The following CFAP20DC variants were observed in gnomAD, a reference collection of about 807,000 sequenced individuals.
CFAP20DC encodes protein CFAP20DC.
In CFAP20DC, 84 loss-of-function variants were observed where a neutral mutation model predicts 101.7. The ratio of observed to expected loss-of-function variants is 0.83; its 90% CI spans 0.69 to 0.99. The LOEUF (loss-of-function observed/expected upper bound fraction) is 0.99. Among genes scored for constraint, CFAP20DC ranks in the 50% least tolerant of loss-of-function variants. CFAP20DC has a pLI of 0.00. For synonymous variants in CFAP20DC, 359 were observed against 351.2 expected (o/e 1.02, Z -0.25); for missense variants, 1,007 against 970.3 (o/e 1.04, Z -0.50).
At chr3:58,723,117 T>C (rs2067495956) in intron 3 of CFAP20DC, among the ~76,000 whole-genome samples, 2 of 152,258 alleles carry the variant, frequency 1.3e-5, no homozygotes, top group Non-Finnish European at 2.9e-5. Context: ...AAAAATGTTA[T>C]GAATTAAATT....
At chr3:58,775,838 C>T (rs575053854) in intron 15 of CFAP20DC, among the ~76,000 whole-genome samples, 8 of 151,598 alleles carry the variant, frequency 5.3e-5, no homozygotes, top group East Asian at 1.9e-4. Flanking sequence ...CTCCACCTCC[C>T]GGGTTCAAGC....
intron 15 of CFAP20DC, among the ~76,000 whole-genome samples, chr3:58,806,137 T>C (rs547746727): frequency 6.6e-6 from 1 of 152,374 alleles, no homozygotes; most frequent in South Asian, 2.1e-4. Context: ...TATGAAGTAA[T>C]TCTTATGCCT....
chr3:58,824,494 C>T (rs1276582475), intron 14 of CFAP20DC: 3 of 152,164 alleles, frequency 2.0e-5, no homozygotes, highest in African/African-American at 7.2e-5. Flanking sequence ...CATGATCAAG[C>T]TGCTAGAGAT....
At chr3:58,980,828 T>G (rs2092506227) in intron 4 of CFAP20DC, among the ~76,000 whole-genome samples, 1 of 152,162 alleles carries the variant, frequency 6.6e-6, no homozygotes. Flanking sequence ...CCACTCCTAT[T>G]CAACATAGTG....
chr3:58,741,609 G>A (rs1332595156), downstream of CFAP20DC, among the ~76,000 whole-genome samples: 1 of 151,676 alleles, frequency 6.6e-6, no homozygotes, highest in Non-Finnish European at 1.5e-5. Flanking sequence ...CCATTCTCCT[G>A]CCTCAGCCTC....
intron 4 of CFAP20DC, among the ~76,000 whole-genome samples, chr3:59,009,415 T>G (rs1030214209): frequency 3.3e-5 from 5 of 151,576 alleles, no homozygotes; most frequent in African/African-American, 9.7e-5. Context: ...CCAACTTAAA[T>G]TAAAAAAACA....
In CFAP20DC at chr3:59,049,603, C is replaced by T. The variant is rs1283942742; in HGVS notation, c.21+8G>A. On this transcript the variant is annotated splice_region_variant and intron_variant, in intron 1 of 16. Transcript: ENST00000482387. ...GTATAGACAGGTTGGAGAACCGTTTCGGGTTACCTGGTACTCATTTTTGAA... is the reference window on the plus strand; with the variant it reads ...GTATAGACAGGTTGGAGAACCGTTTTGGGTTACCTGGTACTCATTTTTGAA... 2.0e-6 allele frequency: 3 copies of T among 1,535,936 alleles called. No individual in the cohort carries two copies. Among genetic ancestry groups the T allele is most frequent in the African/African-American group, 2.7e-5 (2 of 73,042 alleles).
At chr3:59,038,692 T>G (rs2094145866) in intron 4 of CFAP20DC, among the ~76,000 whole-genome samples, 1 of 152,134 alleles carries the variant, frequency 6.6e-6, no homozygotes, top group African/African-American at 2.4e-5. Context: ...GTTGTAATTG[T>G]TTTGGGGTGC....
chr3:59,006,017 G>A lies in CFAP20DC; in HGVS notation c.278+33540C>T, dbSNP rs961099537. Among the ~76,000 whole-genome samples, 3 of 152,054 alleles carry A rather than the reference G, an allele frequency of 2.0e-5. No homozygotes were observed. Among genetic ancestry groups the A allele is most frequent in the Non-Finnish European group, 4.4e-5 (3 of 68,016 alleles). ...ATAGAGGAAGGGAAATAATTCACAA[G>A]ATGGAATTACTCCTCAATGAAAAGT... On this transcript the variant is annotated intron_variant, in intron 4 of 16. Coordinates refer to ENST00000482387, the MANE Select transcript of CFAP20DC (RefSeq NM_001394063.1). The surrounding 1 kb of genome is among the most constrained non-coding windows in gnomAD (Gnocchi z 4.3).
intron 12 of CFAP20DC, among the ~76,000 whole-genome samples, chr3:58,853,020 C>A (rs895392630): frequency 1.3e-5 from 2 of 152,062 alleles, no homozygotes; most frequent in Non-Finnish European, 2.9e-5. Context: ...CACAAAAAAC[C>A]CTTCAAAAAT....
At chr3:59,005,648 C>A (rs1002055370) in intron 4 of CFAP20DC, among the ~76,000 whole-genome samples, 1 of 152,098 alleles carries the variant, frequency 6.6e-6, no homozygotes, top group Admixed American at 6.6e-5. Flanking sequence ...TAATATCCCA[C>A]CACTATATTT....
chr3:58,821,948 T>A (rs1469771213), intron 14 of CFAP20DC, among the ~76,000 whole-genome samples: 1 of 139,946 alleles, frequency 7.1e-6, no homozygotes, highest in African/African-American at 2.9e-5. Context: ...ATATACACCA[T>A]GGAATACTAT....
chr3:58,951,553 T>C (rs2090106453), intron 4 of CFAP20DC, among the ~76,000 whole-genome samples: 2 of 152,178 alleles, frequency 1.3e-5, no homozygotes, highest in Non-Finnish European at 2.9e-5. Context: ...GTGGCACATA[T>C]ACACCATGGA....
Position 58,861,263 on chromosome 3 carries a change from A to C in CFAP20DC, c.1593+2295T>G, listed in dbSNP as rs369017170. ...TAAAGTCTTTTAATTACACTTTATA[A>C]ACTTCAAGCATAATAATATAATTGT... On this transcript the variant is annotated intron_variant, in intron 12 of 16. Coordinates refer to ENST00000482387, the MANE Select transcript of CFAP20DC (RefSeq NM_001394063.1). The surrounding 1 kb of genome is among the most constrained non-coding windows in gnomAD (Gnocchi z 4.0). The C allele has an allele frequency of 1.6e-6, 1 of 616,856 alleles. No homozygotes were observed. Among genetic ancestry groups the C allele is most frequent in the East Asian group, 1.4e-4 (1 of 7,182 alleles). 38.2% of individuals were successfully genotyped at this position (616,856 alleles called of 1,614,324 possible). A position where few individuals can be genotyped will look rare whatever the true frequency, so the allele number is the denominator to read the frequency against.
intron 16 of CFAP20DC, among the ~76,000 whole-genome samples, chr3:58,747,438 A>G (rs983035078): frequency 2.0e-5 from 3 of 152,172 alleles, no homozygotes; most frequent in Admixed American, 6.6e-5. Flanking sequence ...ATAATAGAAA[A>G]CCTACACACC....
intron 7 of CFAP20DC, among the ~76,000 whole-genome samples, chr3:58,872,690 A>G (rs1459043404): frequency 6.6e-6 from 1 of 152,178 alleles, no homozygotes; most frequent in Admixed American, 6.5e-5. Context: ...GGGCAGAATC[A>G]GAACTAATGA....
At chr3:58,764,926 G>A (rs1194199573) in intron 15 of CFAP20DC, among the ~76,000 whole-genome samples, 1 of 152,174 alleles carries the variant, frequency 6.6e-6, no homozygotes, top group Non-Finnish European at 1.5e-5. Context: ...GTATTCAAGA[G>A]TCGAGACCAT....
At chr3:58,885,132 T>C (rs968606794) in intron 6 of CFAP20DC, among the ~76,000 whole-genome samples, 1 of 152,184 alleles carries the variant, frequency 6.6e-6, no homozygotes, top group African/African-American at 2.4e-5. Flanking sequence ...ACAGCCATTA[T>C]ATGGGTAAAT....
chr3:58,742,710 A>G, intron 16 of CFAP20DC, 138 bp from the exon 17 acceptor site: 2 of 479,524 alleles, frequency 4.2e-6, no homozygotes, highest in Non-Finnish European at 7.2e-6. Flanking sequence ...CTGAAGGAAG[A>G]GCACTGTGGA....
Sources: allele counts gnomAD v4.1 joint callset (sites outside exome capture counted in the v4.1 genomes callset), GRCh38; gene constraint gnomAD v4.1.1; non-coding constraint Gnocchi (gnomAD v3.1); transcripts MANE v1.5; gene names NCBI Gene and HGNC (gene_info 2026-07-23, HGNC 2026-07-21).